The following DMGDH variants were observed in gnomAD, a reference collection of about 807,000 sequenced individuals.
DMGDH encodes dimethylglycine dehydrogenase, also known as dimethylglycine dehydrogenase, mitochondrial.
A neutral mutation model predicts 95.2 loss-of-function variants in DMGDH; 76 were observed. That is an observed-to-expected ratio of 0.80 (90% CI 0.66 to 0.97). The LOEUF (loss-of-function observed/expected upper bound fraction) is 0.97. Ranked by LOEUF, DMGDH falls within the 50% of genes least tolerant of loss-of-function variation. The probability of loss-of-function intolerance (pLI) is 0.00; values close to 1 mark genes in which losing one functional copy is unlikely to be tolerated. For missense variants in DMGDH, 987 were observed against 1,055.0 expected, an observed-to-expected ratio of 0.94 and a Z score of 0.89; for synonymous variants, 345 against 377.6, an observed-to-expected ratio of 0.91 and a Z score of 1.00.
intron 11 of DMGDH, among the ~76,000 whole-genome samples, chr5:79,029,100 C>T (rs77386942): frequency 2.0e-5 from 3 of 152,270 alleles, no homozygotes; most frequent in African/African-American, 7.2e-5. Flanking sequence ...AAGGAAAAGA[C>T]AGAAACTCTA....
rs199903490 is a variant in DMGDH, at chr5:79,054,541, C to G, written c.376-193G>C. 1.8e-4 allele frequency among the ~76,000 whole-genome samples: 28 copies of G among 152,278 alleles called. 1 individual carries two copies. The East Asian group carries it at 5.2e-3, about 28-fold the overall frequency. Reference sequence around the variant, plus strand: ...CTACCATATTTACTAAGTGCCTGTTCGGAGCCAGGCACTATTCTAAGCCCC... The same window carrying G: ...CTACCATATTTACTAAGTGCCTGTTGGGAGCCAGGCACTATTCTAAGCCCC... On this transcript the variant is annotated intron_variant, in intron 3 of 15. Coordinates refer to ENST00000255189, the MANE Select transcript of DMGDH (RefSeq NM_013391.3).
At chr5:79,065,131 G>A (rs1755335292) in intron 1 of DMGDH, among the ~76,000 whole-genome samples, 1 of 151,872 alleles carries the variant, frequency 6.6e-6, no homozygotes, top group East Asian at 1.9e-4. Flanking sequence ...CAATATCACT[G>A]TCTTCACACC....
At position 79,033,382 on chromosome 5, in the gene DMGDH, A is replaced by C; in HGVS notation, c.1220T>G (p.Val407Gly). 1 of 1,614,038 alleles carries C rather than the reference A, an allele frequency of 6.2e-7. No individual in the cohort carries two copies. Among genetic ancestry groups the C allele is most frequent in the Non-Finnish European group, 8.5e-7 (1 of 1,180,008 alleles). The change falls in exon 8 of 16, where the codon GTA becomes GGA. Residue 407 changes from valine (V) to glycine (G), a missense_variant. By Grantham distance (109) the Val-to-Gly change is moderately radical. Coordinates refer to ENST00000255189, the MANE Select transcript of DMGDH (RefSeq NM_013391.3). Reference sequence around the variant, plus strand: ...GATCCAGTCACTGAGATATTTCCCTACCCCACCAGCGTGGATTATGCCATA... The same window carrying C: ...GATCCAGTCACTGAGATATTTCCCTCCCCCACCAGCGTGGATTATGCCATA... Reference protein sequence around the residue: ...FGYGIIHAGGVGKYLSDWILH... With the variant: ...FGYGIIHAGGGGKYLSDWILH...
intron 11 of DMGDH, among the ~76,000 whole-genome samples, chr5:79,029,520 A>G (rs1360365700): frequency 1.3e-5 from 2 of 152,230 alleles, no homozygotes; most frequent in Non-Finnish European, 2.9e-5. Flanking sequence ...AAATGCGGGC[A>G]TCAGAATCAA....
At chr5:79,000,818 A>G in intron 15 of DMGDH, 1 of 629,450 alleles carries the variant, frequency 1.6e-6, no homozygotes, top group East Asian at 2.7e-5. Context: ...AGGTACTCTC[A>G]CCGAACCAGA....
chr5:79,050,261 A>ATATAT (rs1754806494), intron 5 of DMGDH, among the ~76,000 whole-genome samples: 1 of 62,104 alleles, frequency 1.6e-5, no homozygotes, highest in Admixed American at 1.8e-4. Flanking sequence ...AAAAAAAAAA[A>ATATAT]AAAAAAAAAA....
At chr5:79,034,052 G>C (rs1190845434) in intron 7 of DMGDH, among the ~76,000 whole-genome samples, 4 of 152,172 alleles carry the variant, frequency 2.6e-5, no homozygotes, top group Non-Finnish European at 4.4e-5. Flanking sequence ...CTAGGGGTTG[G>C]AGCCAGAATG....
intron 15 of DMGDH, chr5:79,001,171 C>T (rs1753446738): frequency 4.3e-6 from 2 of 463,868 alleles, no homozygotes; most frequent in Non-Finnish European, 7.8e-6. Flanking sequence ...CTTTTGTTTG[C>T]TTGTTTTTTG....
chr5:79,016,957 A>G (rs1398579596), intron 14 of DMGDH, among the ~76,000 whole-genome samples: 1 of 152,196 alleles, frequency 6.6e-6, no homozygotes, highest in Non-Finnish European at 1.5e-5. Flanking sequence ...TAGTCTTTTC[A>G]ACAAATGGTG....
At chr5:79,046,273 C>G (rs539968009) in intron 5 of DMGDH, among the ~76,000 whole-genome samples, 1 of 151,718 alleles carries the variant, frequency 6.6e-6, no homozygotes, top group Non-Finnish European at 1.5e-5. Flanking sequence ...TTTTAGTAGA[C>G]GAGATTTCAC....
chr5:79,018,404 A>C (rs1214160789), intron 14 of DMGDH, among the ~76,000 whole-genome samples: 1 of 152,120 alleles, frequency 6.6e-6, no homozygotes, highest in Admixed American at 6.5e-5. Flanking sequence ...ATTAACACAC[A>C]AAAAAAGTAT....
chr5:79,026,895 AC>A (rs1425665881), intron 12 of DMGDH, among the ~76,000 whole-genome samples: 1 of 152,200 alleles, frequency 6.6e-6, no homozygotes, highest in Non-Finnish European at 1.5e-5. Flanking sequence ...ATGAGGCTTG[AC>A]TGTTTTCTGG....
chr5:79,043,641 C>G (rs1754583636), intron 6 of DMGDH, among the ~76,000 whole-genome samples: 1 of 152,170 alleles, frequency 6.6e-6, no homozygotes, highest in Non-Finnish European at 1.5e-5. Context: ...GATTTTTTAG[C>G]TCTTTTTATA....
chr5:79,021,190 C>T (rs953727128), intron 14 of DMGDH: 6 of 993,960 alleles, frequency 6.0e-6, no homozygotes, highest in Non-Finnish European at 7.2e-6. Context: ...CGGAGCACTT[C>T]CCACAAGATG....
intron 5 of DMGDH, among the ~76,000 whole-genome samples, chr5:79,049,886 G>A (rs1431637339): frequency 1.3e-5 from 2 of 152,086 alleles, no homozygotes; most frequent in East Asian, 1.9e-4. Flanking sequence ...AGAGAAATTC[G>A]GAAATAACTA....
At chr5:79,037,208 C>A (rs913932490) in intron 7 of DMGDH, among the ~76,000 whole-genome samples, 3 of 152,148 alleles carry the variant, frequency 2.0e-5, no homozygotes, top group Non-Finnish European at 4.4e-5. Flanking sequence ...TTTATTATGG[C>A]AGCCCAAGCA....
In DMGDH at chr5:79,000,001, G is replaced by T. The variant is rs113756317; in HGVS notation, c.2386-1704C>A. The T allele has an allele frequency of 1.8e-4, 46 of 254,912 alleles. 1 individual carries two copies. The highest frequency in any genetic ancestry group is 8.9e-4 in the African/African-American group (40 of 44,708). The allele number at this position is 254,912 out of a possible 1,614,324, so 15.8% of individuals were successfully genotyped here. Reference sequence around the variant, plus strand: ...ACAATCACCAATTTGCAACAGAAATGGAGGCATAATATTTACGCTAACAAA... The same window carrying T: ...ACAATCACCAATTTGCAACAGAAATTGAGGCATAATATTTACGCTAACAAA... On this transcript the variant is annotated intron_variant, in intron 15 of 15. Transcript: ENST00000255189.
At chr5:79,025,884 G>A (rs1439874126) in intron 13 of DMGDH, among the ~76,000 whole-genome samples, 1 of 152,190 alleles carries the variant, frequency 6.6e-6, no homozygotes, top group Non-Finnish European at 1.5e-5. Flanking sequence ...GTGTTATTAT[G>A]CGTAAAATAG....
chr5:79,044,988 A>G (rs1360058238), intron 5 of DMGDH, among the ~76,000 whole-genome samples: 1 of 152,210 alleles, frequency 6.6e-6, no homozygotes, highest in Non-Finnish European at 1.5e-5. Flanking sequence ...AACATAATAC[A>G]TAATGATATA....
Sources: allele counts gnomAD v4.1 joint callset (sites outside exome capture counted in the v4.1 genomes callset), GRCh38; gene constraint gnomAD v4.1.1; transcripts MANE v1.5; gene names NCBI Gene and HGNC (gene_info 2026-07-23, HGNC 2026-07-21).